The following WDFY1 variants were observed in gnomAD, a reference collection of about 807,000 sequenced individuals.
The protein encoded by WDFY1 is WD repeat and FYVE domain containing 1.
WDFY1 carries 32 observed loss-of-function variants against 56.4 expected under a neutral mutation model. The ratio of observed to expected loss-of-function variants is 0.57; its 90% CI spans 0.43 to 0.76. WDFY1 has a LOEUF of 0.76. WDFY1 is among the 30% of genes least tolerant of loss of function. The pLI is 0.00. For synonymous variants in WDFY1, 192 were observed against 197.3 expected, an observed-to-expected ratio of 0.97 and a Z score of 0.23; for missense variants, 480 against 545.7, an observed-to-expected ratio of 0.88 and a Z score of 1.20.
At chr2:223,889,724 G>C (rs1239211779) in intron 8 of WDFY1, among the ~76,000 whole-genome samples, 2 of 152,116 alleles carry the variant, frequency 1.3e-5, no homozygotes, top group Admixed American at 6.5e-5. Context: ...CCTGAGAATG[G>C]ACTAATACAT....
At position 223,941,804 on chromosome 2, in the gene WDFY1, G is replaced by A. The variant is rs1417261963; in HGVS notation, c.137+3344C>T. On this transcript the variant is annotated intron_variant, in intron 1 of 11. Transcript: ENST00000233055. Reference sequence around the variant, plus strand: ...AAAAAAGCTTTTTCTAAATGAATGAGTAAATGAGTGAAGAACGTGACACGT... The same window carrying A: ...AAAAAAGCTTTTTCTAAATGAATGAATAAATGAGTGAAGAACGTGACACGT... Among the ~76,000 whole-genome samples the A allele has an allele frequency of 2.0e-5, 3 of 152,146 alleles. No individual in the cohort carries two copies. The East Asian group carries it at 5.8e-4, about 29-fold the overall frequency.
At chr2:223,922,117 C>T (rs1693897975) in intron 1 of WDFY1, among the ~76,000 whole-genome samples, 1 of 152,236 alleles carries the variant, frequency 6.6e-6, no homozygotes, top group African/African-American at 2.4e-5. Context: ...GTCATCCTCA[C>T]ATTCCCTGAA....
intron 4 of WDFY1, among the ~76,000 whole-genome samples, chr2:223,903,612 T>C (rs1246558847): frequency 7.0e-6 from 1 of 143,714 alleles, no homozygotes; most frequent in East Asian, 2.0e-4. Context: ...TGATCCTTAA[T>C]GAAAGATGAA....
intron 3 of WDFY1, among the ~76,000 whole-genome samples, chr2:223,909,694 G>A (rs1045558353): frequency 6.6e-5 from 10 of 151,864 alleles, no homozygotes; most frequent in Admixed American, 1.3e-4. Context: ...GCTGTCATCT[G>A]ACTTCTCTTC....
intron 4 of WDFY1, among the ~76,000 whole-genome samples, chr2:223,902,892 C>A (rs1377977918): frequency 6.6e-6 from 1 of 151,922 alleles, no homozygotes; most frequent in African/African-American, 2.4e-5. Context: ...TAAACTCGGG[C>A]CAAACAGTCA....
At chr2:223,924,025 T>G (rs1223027712) in intron 1 of WDFY1, among the ~76,000 whole-genome samples, 2 of 152,234 alleles carry the variant, frequency 1.3e-5, no homozygotes, top group Admixed American at 6.5e-5. Flanking sequence ...CACATCAATC[T>G]GGGGAAAAGA....
chr2:223,917,708 G>A (rs1693811854), intron 2 of WDFY1, among the ~76,000 whole-genome samples: 1 of 152,090 alleles, frequency 6.6e-6, no homozygotes, highest in South Asian at 2.1e-4. Flanking sequence ...AAGTAGCTGG[G>A]ATTACAGGCG....
intron 8 of WDFY1, among the ~76,000 whole-genome samples, chr2:223,893,802 T>C (rs1693317220): frequency 2.0e-5 from 3 of 152,124 alleles, no homozygotes; most frequent in Admixed American, 1.3e-4. Context: ...GAAATGGAAA[T>C]ATATTTTCCC....
At chr2:223,898,146 G>A (rs1031221747) in intron 6 of WDFY1, among the ~76,000 whole-genome samples, 1 of 152,026 alleles carries the variant, frequency 6.6e-6, no homozygotes, top group African/African-American at 2.4e-5. Context: ...CCTCCACAGA[G>A]CTTCACCAAC....
In WDFY1 at chr2:223,912,336, A is replaced by C; in HGVS notation, c.206-10T>G. 5.6e-6 allele frequency: 9 copies of C among 1,594,508 alleles called. No homozygotes were observed. Among genetic ancestry groups the C allele is most frequent in the Non-Finnish European group, 6.8e-6 (8 of 1,174,860 alleles). On this transcript the variant is annotated splice_polypyrimidine_tract_variant and intron_variant, in intron 2 of 11. Coordinates refer to ENST00000233055, the MANE Select transcript of WDFY1 (RefSeq NM_020830.5). Reference sequence around the variant, plus strand: ...ATAGCAGAGCAAGGAGCTGCCAGAAAGACAAAGACCACATTACCAGCAAAG... The same window carrying C: ...ATAGCAGAGCAAGGAGCTGCCAGAACGACAAAGACCACATTACCAGCAAAG...
chr2:223,891,173 C>T (rs538322885), intron 8 of WDFY1, among the ~76,000 whole-genome samples: 130 of 151,938 alleles, frequency 8.6e-4, no homozygotes, highest in Middle Eastern at 3.4e-3. Flanking sequence ...GTCAGGGGCT[C>T]GTGACCAGCC....
At chr2:223,944,263 T>G (rs1009431670) in intron 1 of WDFY1, among the ~76,000 whole-genome samples, 5 of 152,186 alleles carry the variant, frequency 3.3e-5, no homozygotes, top group Admixed American at 6.5e-5. Context: ...GGGTCCGCAG[T>G]GACCAGCCGC....
At chr2:223,901,427 G>C (rs1484362566) in intron 4 of WDFY1, 94 bp from the exon 5 acceptor site, 4 of 1,443,164 alleles carry the variant, frequency 2.8e-6, no homozygotes, top group Non-Finnish European at 3.8e-6. Flanking sequence ...CTCAGCCAGG[G>C]CACAGCTGTG....
intron 3 of WDFY1, among the ~76,000 whole-genome samples, chr2:223,910,208 A>G (rs1242362730): frequency 1.3e-5 from 2 of 152,244 alleles, no homozygotes; most frequent in Non-Finnish European, 2.9e-5. Context: ...GTCCACATAC[A>G]GAAGAATAAA....
chr2:223,886,208 A>G (rs485467), intron 8 of WDFY1, among the ~76,000 whole-genome samples: 141,047 of 151,772 alleles, frequency 0.93, 65,615 homozygotes, highest in South Asian at 0.96. Context: ...GTGTGGTGGC[A>G]CACACCTGTA....
intron 2 of WDFY1, among the ~76,000 whole-genome samples, chr2:223,912,764 G>A (rs1693726739): frequency 6.6e-6 from 1 of 152,154 alleles, no homozygotes; most frequent in African/African-American, 2.4e-5. Flanking sequence ...GCATAAGTGA[G>A]CATATGTGAG....
chr2:223,908,111 C>T (rs999787773), intron 3 of WDFY1, among the ~76,000 whole-genome samples: 1 of 152,150 alleles, frequency 6.6e-6, no homozygotes, highest in Non-Finnish European at 1.5e-5. Context: ...CTGCCTAAGC[C>T]TCCCAAAGTG....
intron 4 of WDFY1, 25 bp downstream of exon 4, chr2:223,905,922 G>C: frequency 1.3e-6 from 2 of 1,490,762 alleles, no homozygotes; most frequent in Non-Finnish European, 1.8e-6. Context: ...GTATGTGTAC[G>C]CAAGATAATG....
chr2:223,911,217 G>A (rs1373970136), intron 3 of WDFY1, among the ~76,000 whole-genome samples: 1 of 152,138 alleles, frequency 6.6e-6, no homozygotes, highest in East Asian at 1.9e-4. Flanking sequence ...CAGTAAATTA[G>A]TGATTTCCAG....
Sources: allele counts gnomAD v4.1 joint callset (sites outside exome capture counted in the v4.1 genomes callset), GRCh38; gene constraint gnomAD v4.1.1; transcripts MANE v1.5; gene names NCBI Gene and HGNC (gene_info 2026-07-23, HGNC 2026-07-21).